Variants in SAMMSON observed in about 807,000 individuals in gnomAD.
SAMMSON encodes long intergenic non-protein coding RNA 1212.
Position 70,224,392 on chromosome 3 carries a change from C to A in SAMMSON, n.508-24715C>A, listed in dbSNP as rs537711598. ...CTGAGCTGCTTTATTTCATTATGTT[C>A]TCCTACCTATTCTAGAAGCCCTTTG... is the stretch of plus-strand genomic sequence containing the variant. On this transcript the variant is annotated intron_variant and non_coding_transcript_variant, in intron 4 of 9. Transcript: ENST00000642114. Among the ~76,000 whole-genome samples the A allele has an allele frequency of 2.0e-5, 3 of 152,252 alleles. No individual in the cohort carries two copies. In the East Asian group the frequency reaches 5.8e-4, roughly 29 times the overall value.
intron 7 of SAMMSON, among the ~76,000 whole-genome samples, chr3:70,315,810 C>A (rs1282813260): frequency 2.6e-5 from 4 of 152,028 alleles, no homozygotes; most frequent in African/African-American, 7.2e-5. Context: ...GAGACCCAAC[C>A]AAACGCTCAA....
At chr3:70,108,421 TC>T (rs1286051428) in intron 4 of SAMMSON, among the ~76,000 whole-genome samples, 1 of 140,502 alleles carries the variant, frequency 7.1e-6, no homozygotes, top group Non-Finnish European at 1.5e-5. Flanking sequence ...CTCTTGCGGT[TC>T]CTTTTTTTTT....
rs1700983456 is a variant in SAMMSON, at chr3:70,173,821, C to T, written n.508-75286C>T. 2.0e-5 allele frequency among the ~76,000 whole-genome samples: 3 copies of T among 151,692 alleles called. No homozygotes were observed. The South Asian group carries it at 6.2e-4, about 31-fold the overall frequency. ...AGCACTAATACTCATAAAGTTTTCT[C>T]CTTGAGGTGATATTTTGTTACTTTT... On this transcript the variant is annotated intron_variant and non_coding_transcript_variant, in intron 4 of 9. Transcript: ENST00000642114.
chr3:70,088,153 A>G (rs115009367), intron 4 of SAMMSON, among the ~76,000 whole-genome samples: 46 of 152,264 alleles, frequency 3.0e-4, no homozygotes, highest in African/African-American at 7.5e-4. Flanking sequence ...GGGTTACAGT[A>G]TAGAGTTCAT....
intron 4 of SAMMSON, among the ~76,000 whole-genome samples, chr3:70,146,635 C>A (rs2067550258): frequency 6.6e-6 from 1 of 151,944 alleles, no homozygotes; most frequent in South Asian, 2.1e-4. Context: ...AATCTCCCAG[C>A]AAACTAGAAA....
At chr3:70,248,037 G>T (rs755190790) in intron 4 of SAMMSON, among the ~76,000 whole-genome samples, 2 of 151,956 alleles carry the variant, frequency 1.3e-5, no homozygotes, top group Non-Finnish European at 1.5e-5. Flanking sequence ...GTATTTGAAG[G>T]GTAGGAAGGA....
chr3:70,260,120 G>A (rs558905023), intron 6 of SAMMSON, among the ~76,000 whole-genome samples: 1 of 152,304 alleles, frequency 6.6e-6, no homozygotes, highest in African/African-American at 2.4e-5. Context: ...CAGTTCTAAA[G>A]GCTAGAATCT....
chr3:70,210,164 A>G (rs1701329467), intron 4 of SAMMSON, among the ~76,000 whole-genome samples: 1 of 152,134 alleles, frequency 6.6e-6, no homozygotes, highest in Admixed American at 6.6e-5. Flanking sequence ...CAAGTGGTAT[A>G]TGATTCTCTT....
At chr3:70,263,315 A>T (rs1321620064) in intron 6 of SAMMSON, among the ~76,000 whole-genome samples, 4 of 152,116 alleles carry the variant, frequency 2.6e-5, no homozygotes, top group Non-Finnish European at 5.9e-5. Context: ...AGTGTATTTG[A>T]CTTTGTTCTA....
intron 2 of SAMMSON, among the ~76,000 whole-genome samples, chr3:70,430,559 T>C (rs564542903): frequency 1.3e-5 from 2 of 152,070 alleles, no homozygotes; most frequent in South Asian, 2.1e-4. Context: ...GAAAAGAGTA[T>C]GCAGAAGACC....
chr3:70,375,543 G>C (rs1303595344), intron 9 of SAMMSON, among the ~76,000 whole-genome samples: 2 of 151,962 alleles, frequency 1.3e-5, no homozygotes, highest in Non-Finnish European at 2.9e-5. Context: ...GTAAGGGCCA[G>C]GGCAGTTCTC....
At chr3:70,405,383 C>T (rs13070827) in intron 2 of SAMMSON, among the ~76,000 whole-genome samples, 53,310 of 152,062 alleles carry the variant, frequency 0.35, 10,152 homozygotes, top group Admixed American at 0.43. Flanking sequence ...CAAATTACTA[C>T]ACACCCATAG....
chr3:70,143,420 T>C (rs1317826072), intron 4 of SAMMSON, among the ~76,000 whole-genome samples: 1 of 152,082 alleles, frequency 6.6e-6, no homozygotes, highest in Non-Finnish European at 1.5e-5. Flanking sequence ...ATTTCAATTA[T>C]GAAATGCCCA....
In SAMMSON at chr3:70,397,263, G is replaced by T. The variant is rs577383415; in HGVS notation, n.233+38939G>T. ...TATTAAGTTTTGAGCTCCATTCTGG[G>T]ATCGCTAGTATGTCAAAGATTCTTC... On this transcript the variant is annotated intron_variant and non_coding_transcript_variant, in intron 2 of 3. Coordinates refer to the SAMMSON transcript ENST00000641053. Among the ~76,000 whole-genome samples, 27 of 152,116 alleles carry T rather than the reference G, an allele frequency of 1.8e-4. No individual in the cohort carries two copies. In the East Asian group the frequency reaches 2.7e-3, roughly 15 times the overall value.
intron 9 of SAMMSON, among the ~76,000 whole-genome samples, chr3:70,376,046 T>C (rs1424587800): frequency 6.6e-6 from 1 of 152,194 alleles, no homozygotes; most frequent in Non-Finnish European, 1.5e-5. Context: ...GGAGACGTTT[T>C]CATATGGAGG....
chr3:70,360,930 C>G (rs1702866422), intron 9 of SAMMSON, among the ~76,000 whole-genome samples: 1 of 152,036 alleles, frequency 6.6e-6, no homozygotes, highest in South Asian at 2.1e-4. Context: ...GAATAGCTAT[C>G]ATGTTTTGCA....
chr3:70,402,107 T>C (rs1181794798), intron 2 of SAMMSON, among the ~76,000 whole-genome samples: 3 of 152,216 alleles, frequency 2.0e-5, no homozygotes, highest in African/African-American at 7.2e-5. Context: ...CTCAAATCTG[T>C]TCTGTAGAGT....
At chr3:70,364,070 T>A (rs1187885102) in intron 9 of SAMMSON, among the ~76,000 whole-genome samples, 1 of 151,926 alleles carries the variant, frequency 6.6e-6, no homozygotes, top group Non-Finnish European at 1.5e-5. Context: ...ATACTTAATA[T>A]TTCTATCATT....
intron 7 of SAMMSON, among the ~76,000 whole-genome samples, chr3:70,339,818 A>T (rs959819618): frequency 1.2e-4 from 18 of 152,222 alleles, no homozygotes; most frequent in African/African-American, 3.9e-4. Context: ...ACTGCAAACT[A>T]GTTCAACCAT....
Sources: gnomAD v4.1 joint callset for allele counts (sites outside exome capture counted in the v4.1 genomes callset) on GRCh38, gnomAD v4.1.1 for gene constraint, MANE v1.5 for transcripts, NCBI Gene and HGNC (gene_info 2026-07-23, HGNC 2026-07-21) for gene names.